The following XIRP2 variants were observed in gnomAD, a reference collection of about 807,000 sequenced individuals.
XIRP2 encodes xin actin-binding repeat-containing protein 2.
A neutral mutation model predicts 277.0 loss-of-function variants in XIRP2; 236 were observed. The observed-to-expected ratio is 0.85, with a 90% CI of 0.77 to 0.95. The LOEUF (loss-of-function observed/expected upper bound fraction) is 0.95, where lower values mean the gene tolerates loss of function less well. Ranked by LOEUF, XIRP2 falls within the 40% of genes least tolerant of loss-of-function variation. The pLI is 0.00. For missense variants in XIRP2, 4,640 were observed against 4,157.5 expected (o/e 1.12, Z -3.19); for synonymous variants, 1,490 against 1,416.5 (o/e 1.05, Z -1.17).
At chr2:167,104,917 G>A (rs73015922) in intron 2 of XIRP2, among the ~76,000 whole-genome samples, 14,658 of 151,956 alleles carry the variant, frequency 0.096, 1,379 homozygotes, top group African/African-American at 0.24. Flanking sequence ...TGAGTCACCA[G>A]TGCAGATGAT....
chr2:167,026,373 G>A (rs1688159917), intron 2 of XIRP2, among the ~76,000 whole-genome samples: 1 of 152,054 alleles, frequency 6.6e-6, no homozygotes, highest in Non-Finnish European at 1.5e-5. Context: ...TGGGTTTCCT[G>A]AATACAGCAC....
chr2:167,143,372 T>C (rs1574293503), intron 3 of XIRP2, among the ~76,000 whole-genome samples: 3 of 152,024 alleles, frequency 2.0e-5, no homozygotes, highest in East Asian at 1.9e-4. Context: ...TTTTAAAGTG[T>C]TTTTGAAGCA....
In XIRP2 at chr2:167,247,058, A is replaced by T. The variant is rs369990028; in HGVS notation, c.5666A>T (p.Asp1889Val). The T allele has an allele frequency of 2.9e-5, 47 of 1,612,958 alleles. No individual in the cohort carries two copies. The African/African-American group carries it at 6.3e-4, about 22-fold the overall frequency. Residue 1889 changes from aspartate to valine, a missense_variant, in exon 9 of 11, where the codon GAT becomes GTT. Transcript: ENST00000409195. ...CGATGGAAAGAATCTAAACAGCCTG[A>T]TGCCATCCCTGGTGATATTGAAAAA... ...SHRWKESKQP[D>V]AIPGDIEKAI...
chr2:167,035,835 T>A (rs1049555838), intron 2 of XIRP2, among the ~76,000 whole-genome samples: 4 of 152,216 alleles, frequency 2.6e-5, no homozygotes, highest in Non-Finnish European at 5.9e-5. Flanking sequence ...AGTGGTTTCA[T>A]GGGTTTAACC....
chr2:167,245,274 C>T lies in XIRP2; in HGVS notation c.3882C>T (p.Ile1294=). 1 of 1,613,388 alleles carries T rather than the reference C, an allele frequency of 6.2e-7. No homozygotes were observed. Among genetic ancestry groups the T allele is most frequent in the South Asian group, 1.1e-5 (1 of 91,026 alleles). Residue 1294 remains isoleucine (I), a synonymous_variant, in exon 9 of 11, where the codon ATC becomes ATT. Transcript: ENST00000409195. ...LDEIKEESDY[I]STKKTITEEV... ...AGATTAAAGAAGAATCTGACTATAT[C>T]AGCACCAAGAAAACAATTACTGAAG...
intron 2 of XIRP2, among the ~76,000 whole-genome samples, chr2:167,074,610 G>A (rs1217192789): frequency 6.8e-6 from 1 of 147,700 alleles, no homozygotes; most frequent in Non-Finnish European, 1.5e-5. Flanking sequence ...CTTTCTGTGT[G>A]TGTGTGTGTG....
intron 2 of XIRP2, among the ~76,000 whole-genome samples, chr2:167,085,742 T>C (rs1440894285): frequency 6.6e-6 from 1 of 151,912 alleles, no homozygotes; most frequent in Non-Finnish European, 1.5e-5. Context: ...TAAAGTCTGT[T>C]TTATCAGAGA....
chr2:167,224,214 A>C (rs1472532392), intron 5 of XIRP2, among the ~76,000 whole-genome samples: 1 of 152,024 alleles, frequency 6.6e-6, no homozygotes, highest in Non-Finnish European at 1.5e-5. Context: ...CTCACCTCCC[A>C]ATACTATCAC....
intron 2 of XIRP2, among the ~76,000 whole-genome samples, chr2:166,948,572 T>C (rs368695187): frequency 3.3e-5 from 5 of 152,196 alleles, no homozygotes; most frequent in African/African-American, 1.2e-4. Context: ...ATTACCCTCA[T>C]TTCACAGATA....
chr2:167,084,785 A>G (rs201023365), intron 2 of XIRP2, among the ~76,000 whole-genome samples: 11,768 of 149,256 alleles, frequency 0.079, 501 homozygotes, highest in South Asian at 0.16. Flanking sequence ...ATCGGTGGTG[A>G]TATCCCCTTT....
At chr2:167,024,833 A>C (rs1688103005) in intron 2 of XIRP2, among the ~76,000 whole-genome samples, 2 of 152,066 alleles carry the variant, frequency 1.3e-5, no homozygotes, top group Admixed American at 6.6e-5. Context: ...AAGTTTTTTG[A>C]TGTGCTGCTG....
intron 2 of XIRP2, among the ~76,000 whole-genome samples, chr2:166,976,902 A>G (rs1354302210): frequency 6.6e-6 from 1 of 152,184 alleles, no homozygotes; most frequent in Admixed American, 6.5e-5. Flanking sequence ...GTGAAAGTCT[A>G]TGGCAATGAA....
intron 3 of XIRP2, among the ~76,000 whole-genome samples, chr2:167,154,088 A>G (rs1315522828): frequency 6.7e-6 from 1 of 149,514 alleles, no homozygotes; most frequent in East Asian, 2.0e-4. Context: ...CTGACTTTTT[A>G]AAGATTGCCA....
chr2:167,226,752 G>A (rs546221279), intron 5 of XIRP2, among the ~76,000 whole-genome samples: 4 of 152,162 alleles, frequency 2.6e-5, no homozygotes, highest in South Asian at 2.1e-4. Context: ...AGCAAGTTTC[G>A]AAGAGTTCTC....
intron 2 of XIRP2, among the ~76,000 whole-genome samples, chr2:167,065,634 C>A (rs1295107863): frequency 6.6e-6 from 1 of 151,676 alleles, no homozygotes; most frequent in Non-Finnish European, 1.5e-5. Context: ...AAAACGTTTT[C>A]AATTGAAAAA....
At chr2:166,961,498 T>G (rs1686296116) in intron 2 of XIRP2, among the ~76,000 whole-genome samples, 1 of 151,850 alleles carries the variant, frequency 6.6e-6, no homozygotes, top group Non-Finnish European at 1.5e-5. Context: ...AGCTAATATA[T>G]TTGTTTACTT....
rs540412173 is a variant in XIRP2 at position 167,135,840 on chromosome 2, C to T, written c.409-69C>T. On this transcript the variant is annotated intron_variant, in intron 2 of 10. Transcript: ENST00000409195. ...CCCTCTTTCATTTCTGCCTTCTAAC[C>T]CCCCTAAAAAACACATCTGTTTCCT... 159 of 1,369,218 alleles carry T rather than the reference C, an allele frequency of 1.2e-4. 1 individual carries two copies. The South Asian group carries it at 2.8e-3, about 24-fold the overall frequency. The allele number at this position is 1,369,218 out of a possible 1,614,324, so 84.8% of individuals were successfully genotyped here.
At chr2:167,165,454 T>C (rs974992686) in intron 3 of XIRP2, among the ~76,000 whole-genome samples, 1 of 152,224 alleles carries the variant, frequency 6.6e-6, no homozygotes, top group South Asian at 2.1e-4. Flanking sequence ...CAATTTTGCA[T>C]TTCCACCAGC....
intron 2 of XIRP2, among the ~76,000 whole-genome samples, chr2:167,128,769 A>G (rs1168681181): frequency 2.6e-5 from 4 of 152,122 alleles, no homozygotes; most frequent in Non-Finnish European, 5.9e-5. Context: ...CAGGACACCT[A>G]CATTTCTTTA....
Sources: allele counts gnomAD v4.1 joint callset (sites outside exome capture counted in the v4.1 genomes callset), GRCh38; gene constraint gnomAD v4.1.1; transcripts MANE v1.5; gene names NCBI Gene and HGNC (gene_info 2026-07-23, HGNC 2026-07-21).